Variants in SAMD5 observed in about 807,000 individuals in gnomAD.
The protein encoded by SAMD5 is sterile alpha motif domain-containing protein 5.
Under a neutral mutation model 11.3 loss-of-function variants are expected in SAMD5, and 13 were observed. The ratio of observed to expected loss-of-function variants is 1.15; its 90% CI spans 0.75 to 1.83. The LOEUF (loss-of-function observed/expected upper bound fraction) is 1.83, where lower values mean the gene tolerates loss of function less well. Ranked by LOEUF, SAMD5 falls within the 40% of genes most tolerant of loss-of-function variation. SAMD5 has a pLI of 0.00. For missense variants in SAMD5, 255 were observed against 239.1 expected (o/e 1.07, Z -0.44); for synonymous variants, 129 against 111.3 (o/e 1.16, Z -1.00).
At chr6:147,792,423 A>G in the SAMD5 span, among the ~76,000 whole-genome samples, 78 of 152,324 alleles carry the variant, frequency 5.1e-4, no homozygotes, top group African/African-American at 1.8e-3. Context: ...GTAACAGATT[A>G]GAAATGCAGA....
At chr6:147,804,251 G>A in the SAMD5 span, among the ~76,000 whole-genome samples, 24 of 151,784 alleles carry the variant, frequency 1.6e-4, no homozygotes, top group African/African-American at 5.8e-4. Flanking sequence ...GGGACTACAG[G>A]TGCACACCAC....
chr6:147,761,073 T>G, the SAMD5 span, among the ~76,000 whole-genome samples: 2 of 152,196 alleles, frequency 1.3e-5, no homozygotes, highest in African/African-American at 4.8e-5. Context: ...CTTTAGCATT[T>G]TATTCTATTT....
At chr6:147,851,869 A>C in the SAMD5 span, among the ~76,000 whole-genome samples, 1 of 152,206 alleles carries the variant, frequency 6.6e-6, no homozygotes, top group African/African-American at 2.4e-5. Flanking sequence ...AAGAATATCC[A>C]GATTTTTTTA....
the SAMD5 span, among the ~76,000 whole-genome samples, chr6:147,777,870 T>C: frequency 6.6e-6 from 1 of 152,194 alleles, no homozygotes; most frequent in Non-Finnish European, 1.5e-5. Context: ...CTGAAAATAT[T>C]CCATTGTATG....
the SAMD5 span, among the ~76,000 whole-genome samples, chr6:147,932,421 G>A: frequency 6.6e-6 from 1 of 152,096 alleles, no homozygotes; most frequent in African/African-American, 2.4e-5. Flanking sequence ...AAAGTGGTGT[G>A]CAGTTACGTC....
the SAMD5 span, among the ~76,000 whole-genome samples, chr6:147,939,089 T>G: frequency 6.6e-6 from 1 of 152,128 alleles, no homozygotes; most frequent in African/African-American, 2.4e-5. Context: ...AGATCTCAGG[T>G]AGACACTTTA....
intron 1 of SAMD5, among the ~76,000 whole-genome samples, chr6:147,611,236 T>C (rs2128449141): frequency 6.6e-6 from 1 of 152,038 alleles, no homozygotes; most frequent in Middle Eastern, 3.4e-3. Context: ...AACCCTTAGA[T>C]GGAAAGTGCA....
the SAMD5 span, among the ~76,000 whole-genome samples, chr6:147,903,472 T>C: frequency 2.0e-5 from 3 of 152,186 alleles, no homozygotes; most frequent in African/African-American, 7.2e-5. Context: ...AAGTGATGCA[T>C]GGCCAATGGC....
chr6:147,623,972 C>T (rs1415081420), intron 1 of SAMD5, among the ~76,000 whole-genome samples: 3 of 152,044 alleles, frequency 2.0e-5, no homozygotes, highest in Non-Finnish European at 2.9e-5. Flanking sequence ...CAGGTTCAAG[C>T]GATTCTCCTG....
chr6:147,550,073 T>C (rs1788745031), intron 1 of SAMD5, among the ~76,000 whole-genome samples: 1 of 151,430 alleles, frequency 6.6e-6, no homozygotes. Context: ...AGCAAGACCT[T>C]TGTCTCTAAA....
the SAMD5 span, among the ~76,000 whole-genome samples, chr6:147,882,067 C>T: frequency 1.3e-5 from 2 of 152,176 alleles, no homozygotes; most frequent in Admixed American, 1.3e-4. Flanking sequence ...AGCTCTTTAA[C>T]TTATCATGTG....
the SAMD5 span, among the ~76,000 whole-genome samples, chr6:147,801,694 C>T: frequency 2.0e-5 from 3 of 152,218 alleles, no homozygotes; most frequent in African/African-American, 7.2e-5. Flanking sequence ...CTGGACTTCC[C>T]AAACTACATC....
intron 1 of SAMD5, among the ~76,000 whole-genome samples, chr6:147,676,732 T>A (rs1755546984): frequency 6.7e-6 from 1 of 150,240 alleles, no homozygotes; most frequent in Non-Finnish European, 1.5e-5. Flanking sequence ...AAACCAGACC[T>A]TGAAGAAGCG....
the SAMD5 span, among the ~76,000 whole-genome samples, chr6:147,935,250 G>A: frequency 6.6e-6 from 1 of 152,124 alleles, no homozygotes; most frequent in Non-Finnish European, 1.5e-5. Flanking sequence ...TGCCTCTCAA[G>A]ATCAGTCAAA....
At chr6:147,674,300 C>G (rs1163764612) in intron 1 of SAMD5, among the ~76,000 whole-genome samples, 1 of 152,158 alleles carries the variant, frequency 6.6e-6, no homozygotes. Flanking sequence ...GCATGTGCCT[C>G]TTGGCCACTG....
the SAMD5 span, among the ~76,000 whole-genome samples, chr6:147,883,079 T>C: frequency 6.6e-6 from 1 of 152,206 alleles, no homozygotes; most frequent in African/African-American, 2.4e-5. Context: ...TTCTGTAAAT[T>C]ACATGTAAAT....
chr6:147,657,683 C>T (rs2056557), intron 1 of SAMD5, among the ~76,000 whole-genome samples: 147,688 of 152,298 alleles, frequency 0.97, 71,643 homozygotes, highest in African/African-American at 0.98. Flanking sequence ...ATTCGGTGTC[C>T]GGTGAGGGCC....
intron 1 of SAMD5, among the ~76,000 whole-genome samples, chr6:147,595,816 T>G (rs1439244573): frequency 6.6e-6 from 1 of 152,120 alleles, no homozygotes; most frequent in Non-Finnish European, 1.5e-5. Context: ...TGAGCCACTG[T>G]GCCCAGTCTA....
At chr6:147,905,404 C>T in the SAMD5 span, among the ~76,000 whole-genome samples, 1 of 152,260 alleles carries the variant, frequency 6.6e-6, no homozygotes, top group East Asian at 1.9e-4. Flanking sequence ...TGGGCTCGAG[C>T]TCCTGAGTTC....
Sources: gnomAD v4.1 joint callset for allele counts (sites outside exome capture counted in the v4.1 genomes callset) on GRCh38, gnomAD v4.1.1 for gene constraint, MANE v1.5 for transcripts, NCBI Gene and HGNC (gene_info 2026-07-23, HGNC 2026-07-21) for gene names.